The following ZC3H3 variants were observed in gnomAD, a reference collection of about 807,000 sequenced individuals.
ZC3H3 encodes the protein zinc finger CCCH-type containing 3.
ZC3H3 carries 36 observed loss-of-function variants against 77.3 expected under a neutral mutation model. The observed-to-expected ratio is 0.47, with a 90% CI of 0.36 to 0.61. The LOEUF is 0.61. Ranked by LOEUF, ZC3H3 falls within the 20% of genes least tolerant of loss-of-function variation. The pLI, the probability that ZC3H3 is intolerant of heterozygous loss-of-function variation, is 0.00. For synonymous variants in ZC3H3, 626 were observed against 555.2 expected (o/e 1.13, Z -1.79); for missense variants, 1,331 against 1,312.2 (o/e 1.01, Z -0.22).
intron 3 of ZC3H3, among the ~76,000 whole-genome samples, chr8:143,510,979 A>C (rs2130431613): frequency 6.6e-6 from 1 of 152,382 alleles, no homozygotes; most frequent in East Asian, 1.9e-4. Flanking sequence ...TCTAATGACT[A>C]ATCGATCTCA....
At chr8:143,466,201 G>A (rs1201501185) in intron 8 of ZC3H3, among the ~76,000 whole-genome samples, 1 of 152,066 alleles carries the variant, frequency 6.6e-6, no homozygotes, top group Non-Finnish European at 1.5e-5. Context: ...CCACTAGCCT[G>A]TGGCCAGGGC....
chr8:143,462,182 A>G lies in ZC3H3; in HGVS notation c.2307+3535T>C, dbSNP rs1417143537. Among the ~76,000 whole-genome samples, 2 of 152,156 alleles carry G rather than the reference A, an allele frequency of 1.3e-5. No individual in the cohort carries two copies. Among genetic ancestry groups the G allele is most frequent in the African/African-American group, 4.8e-5 (2 of 41,426 alleles). ...TGCCAGGCCCACTGTGGCCCCCTGA[A>G]GAGTCGCCACGACCCTCTGAGATAG... On this transcript the variant is annotated intron_variant, in intron 9 of 11. Transcript: ENST00000262577. The surrounding 1 kb of genome is among the most constrained non-coding windows in gnomAD (Gnocchi z 4.7).
chr8:143,449,608 C>T (rs1025774067), intron 9 of ZC3H3, among the ~76,000 whole-genome samples: 8 of 152,164 alleles, frequency 5.3e-5, no homozygotes, highest in Non-Finnish European at 8.8e-5. Context: ...TGTGGTGGTA[C>T]ATGCCTGTAA....
intron 2 of ZC3H3, 47 bp downstream of exon 2, chr8:143,537,956 C>T: frequency 6.6e-7 from 1 of 1,519,470 alleles, no homozygotes; most frequent in Non-Finnish European, 8.8e-7. Flanking sequence ...CAAACAAACC[C>T]TCCTCACAGC....
chr8:143,512,927 G>A (rs539211698), intron 3 of ZC3H3, among the ~76,000 whole-genome samples: 6 of 152,340 alleles, frequency 3.9e-5, no homozygotes, highest in South Asian at 2.1e-4. Context: ...CAGGAGAGCC[G>A]AGCCTGCCTG....
chr8:143,509,549 C>A (rs1333726221), intron 3 of ZC3H3, among the ~76,000 whole-genome samples: 1 of 152,246 alleles, frequency 6.6e-6, no homozygotes, highest in African/African-American at 2.4e-5. Context: ...CCAAATGGCC[C>A]ACTTGCCAGC....
Position 143,536,346 on chromosome 8 carries a change from T to C in ZC3H3, c.1472A>G (p.Lys491Arg), listed in dbSNP as rs768040942. 6.2e-7 allele frequency: 1 copy of C among 1,609,300 alleles called. No individual in the cohort carries two copies. The highest frequency in any genetic ancestry group is 1.7e-5 in the Admixed American group (1 of 59,474). ...TACCAGGCCCTTGTTGGGGGTCTTC[T>C]TCAGGACAGGGCTGCTCTTCCCCCT... ...ALRGKSSPVL[K>R]KTPNKGLVQV... is the part of the protein sequence containing the mutation. Residue 491 changes from lysine to arginine, a missense_variant, in exon 3 of 12, where the codon AAG becomes AGG. Lys to Arg is a conservative substitution (Grantham distance 26, BLOSUM62 2). This residue lies in a region of ZC3H3 where 978 missense variants were observed against 915.5 expected (regional missense o/e 1.07). Coordinates refer to ENST00000262577, the MANE Select transcript of ZC3H3 (RefSeq NM_015117.3).
chr8:143,519,493 C>T (rs1002723274), intron 3 of ZC3H3, among the ~76,000 whole-genome samples: 3 of 152,328 alleles, frequency 2.0e-5, no homozygotes, highest in Admixed American at 2.0e-4. Flanking sequence ...TTCCTCGTTA[C>T]CCCAGGCCTG....
At chr8:143,455,406 G>C (rs569324040) in intron 9 of ZC3H3, among the ~76,000 whole-genome samples, 4 of 152,210 alleles carry the variant, frequency 2.6e-5, no homozygotes, top group African/African-American at 4.8e-5. Flanking sequence ...TGAAGCAGGA[G>C]AATCGCTTGA....
intron 9 of ZC3H3, among the ~76,000 whole-genome samples, chr8:143,455,713 C>G (rs1820099454): frequency 6.6e-6 from 1 of 152,060 alleles, no homozygotes; most frequent in Non-Finnish European, 1.5e-5. Flanking sequence ...TGGCTCATGC[C>G]TGTGATCCCA....
Position 143,437,884 on chromosome 8 carries a change from G to T in ZC3H3, c.*172C>A. ...TTGGGGGAGGAAGACCAGGCCCTGC[G>T]CACACGCTGGTCATGGAAGGTTGAG... On this transcript the variant is annotated 3_prime_UTR_variant, in exon 12 of 12. Transcript: ENST00000262577. The T allele has an allele frequency of 1.1e-6, 1 of 876,036 alleles. No homozygotes were observed. The highest frequency in any genetic ancestry group is 1.8e-6 in the Non-Finnish European group (1 of 560,992). 54.3% of individuals were successfully genotyped at this position (876,036 alleles called of 1,614,324 possible). A position where few individuals can be genotyped will look rare whatever the true frequency, so the allele number is the denominator to read the frequency against.
At chr8:143,452,077 A>G (rs1820001396) in intron 9 of ZC3H3, among the ~76,000 whole-genome samples, 1 of 152,344 alleles carries the variant, frequency 6.6e-6, no homozygotes, top group East Asian at 1.9e-4. Flanking sequence ...GCAAGACAGA[A>G]GGTCTCGGGC....
At chr8:143,465,578 T>C (rs1012744600) in intron 9 of ZC3H3, 139 bp downstream of exon 9, 1 of 1,327,502 alleles carries the variant, frequency 7.5e-7, no homozygotes. Flanking sequence ...CTGAGTCACC[T>C]GTGAGGTGGA....
At chr8:143,477,141 G>A (rs1820757827) in intron 4 of ZC3H3, among the ~76,000 whole-genome samples, 1 of 152,242 alleles carries the variant, frequency 6.6e-6, no homozygotes, top group Non-Finnish European at 1.5e-5. Flanking sequence ...CCTGCAAGCT[G>A]GGGTAATTCT....
intron 4 of ZC3H3, among the ~76,000 whole-genome samples, chr8:143,479,391 G>A (rs1236362398): frequency 6.6e-6 from 1 of 152,152 alleles, no homozygotes; most frequent in African/African-American, 2.4e-5. Flanking sequence ...TGAGATAATA[G>A]CAGGGCCAAG....
chr8:143,471,513 A>T (rs2129888997), intron 5 of ZC3H3, among the ~76,000 whole-genome samples: 1 of 152,256 alleles, frequency 6.6e-6, no homozygotes, highest in South Asian at 2.1e-4. Flanking sequence ...CCCTGTGGCC[A>T]GAGACTGGGG....
At chr8:143,540,039 G>A (rs558226001) in intron 1 of ZC3H3, among the ~76,000 whole-genome samples, 1 of 152,172 alleles carries the variant, frequency 6.6e-6, no homozygotes, top group Non-Finnish European at 1.5e-5. Context: ...CCCTGCCCCC[G>A]GGGGCACAGA....
At chr8:143,517,248 G>C (rs1211356540) in intron 3 of ZC3H3, among the ~76,000 whole-genome samples, 1 of 152,206 alleles carries the variant, frequency 6.6e-6, no homozygotes, top group African/African-American at 2.4e-5. Context: ...ATTATGGAGA[G>C]TGGGGCTTCC....
intron 4 of ZC3H3, among the ~76,000 whole-genome samples, chr8:143,505,468 G>A (rs1439427131): frequency 6.6e-6 from 1 of 152,188 alleles, no homozygotes; most frequent in Non-Finnish European, 1.5e-5. Flanking sequence ...GGACGCAGGT[G>A]GCAGGTGACC....
Sources: allele counts gnomAD v4.1 joint callset (sites outside exome capture counted in the v4.1 genomes callset), GRCh38; gene constraint gnomAD v4.1.1; regional missense constraint gnomAD v4.1.1; non-coding constraint Gnocchi (gnomAD v3.1); transcripts MANE v1.5; gene names NCBI Gene and HGNC (gene_info 2026-07-23, HGNC 2026-07-21).